The following MPO variants were observed in gnomAD, a reference collection of about 807,000 sequenced individuals.
The protein encoded by MPO is myeloperoxidase.
Under a neutral mutation model 69.4 loss-of-function variants are expected in MPO, and 57 were observed. That is an observed-to-expected ratio of 0.82 (90% CI 0.66 to 1.02). The LOEUF (loss-of-function observed/expected upper bound fraction) is 1.02, where lower values mean the gene tolerates loss of function less well. MPO is among the 50% of genes least tolerant of loss of function. The probability of loss-of-function intolerance (pLI) is 0.00; values close to 1 mark genes in which losing one functional copy is unlikely to be tolerated. For missense variants in MPO, 971 were observed against 1,014.1 expected, an observed-to-expected ratio of 0.96 and a Z score of 0.58; for synonymous variants, 426 against 417.1, an observed-to-expected ratio of 1.02 and a Z score of -0.26.
At chr17:58,271,218 G>T (rs1054835787) in intron 11 of MPO, among the ~76,000 whole-genome samples, 3 of 152,092 alleles carry the variant, frequency 2.0e-5, no homozygotes, top group African/African-American at 4.8e-5. Context: ...TTTATAATTC[G>T]CCCACCCAGA....
At chr17:58,273,749 G>T (rs1223188324) in intron 8 of MPO, 80 bp from the exon 9 acceptor site, 4 of 1,603,538 alleles carry the variant, frequency 2.5e-6, no homozygotes, top group Non-Finnish European at 3.4e-6. Context: ...GAGGGCCAGA[G>T]TCTCTGCCTG....
chr17:58,279,709 G>A (rs1598043324), intron 3 of MPO, 63 bp from the exon 4 acceptor site: 1 of 1,613,816 alleles, frequency 6.2e-7, no homozygotes. Flanking sequence ...GGCAACCTGA[G>A]GCTGAGGAGC....
intron 9 of MPO, among the ~76,000 whole-genome samples, 195 bp from the exon 10 acceptor site, chr17:58,273,113 T>C (rs1970387907): frequency 6.6e-6 from 1 of 151,882 alleles, no homozygotes; most frequent in African/African-American, 2.4e-5. Flanking sequence ...GACATATAGG[T>C]CTCAGGAGAT....
rs572678084 is a variant in MPO, at chr17:58,270,365, C to G, written c.*291G>C. On this transcript the variant is annotated 3_prime_UTR_variant, in exon 12 of 12. Transcript: ENST00000225275. The surrounding 1 kb of genome is among the most constrained non-coding windows in gnomAD (Gnocchi z 4.1). ...TCCTGAGCTGTGCTCCTCACCAGTC[C>G]GCTCTGCTGCCTTCCACATACTCAG... 2.3e-6 allele frequency: 1 copy of G among 435,124 alleles called. No individual in the cohort carries two copies. Among genetic ancestry groups the G allele is most frequent in the African/African-American group, 2.0e-5 (1 of 49,816 alleles). The allele number at this position is 435,124 out of a possible 1,614,324, so 27.0% of individuals were successfully genotyped here. A position where few individuals can be genotyped will look rare whatever the true frequency, so the allele number is the denominator to read the frequency against.
intron 8 of MPO, among the ~76,000 whole-genome samples, chr17:58,274,876 T>C (rs1970416217): frequency 1.3e-5 from 2 of 151,870 alleles, no homozygotes; most frequent in Admixed American, 1.3e-4. Flanking sequence ...ATTTATTTAT[T>C]TATTTTGAGA....
At chr17:58,277,057 G>A (rs888482018) in intron 7 of MPO, among the ~76,000 whole-genome samples, 4 of 151,932 alleles carry the variant, frequency 2.6e-5, no homozygotes, top group African/African-American at 9.7e-5. Context: ...GCAGTGAGCC[G>A]AGACTGTGCC....
intron 6 of MPO, chr17:58,278,740 C>T: frequency 3.5e-6 from 2 of 574,954 alleles, no homozygotes; most frequent in East Asian, 2.9e-5. Flanking sequence ...ACCAACAGGA[C>T]TCCTGTCAGC....
chr17:58,276,806 C>T (rs1970444181), intron 7 of MPO, among the ~76,000 whole-genome samples: 1 of 152,138 alleles, frequency 6.6e-6, no homozygotes, highest in African/African-American at 2.4e-5. Context: ...ATTGGGTTTA[C>T]ATTTAAAAAC....
In MPO at chr17:58,275,698, GTCC is replaced by G. The variant is rs1970427770; in HGVS notation, c.1206_1208del (p.Asp403del). ...GCTCGGGCATCTCACTGGAACGGGT[GTCC>G]CCTTGGGGAGGCAAAAGCCACTGTC... On this transcript the variant is annotated inframe_deletion and splice_region_variant, in exon 8 of 12. Transcript: ENST00000225275. The surrounding 1 kb of genome is among the most constrained non-coding windows in gnomAD (Gnocchi z 4.1). 3 of 1,614,066 alleles carry G rather than the reference GTCC, an allele frequency of 1.9e-6. No individual in the cohort carries two copies. The highest frequency in any genetic ancestry group is 2.7e-5 in the African/African-American group (2 of 74,914).
At position 58,270,292 on chromosome 17, in the gene MPO, C is replaced by T. The variant is rs942711208; in HGVS notation, c.*364G>A. 5 of 351,394 alleles carry T rather than the reference C, an allele frequency of 1.4e-5. No homozygotes were observed. The highest frequency in any genetic ancestry group is 2.8e-5 in the Non-Finnish European group (5 of 181,396). 21.8% of individuals were successfully genotyped at this position (351,394 alleles called of 1,614,324 possible). A position where few individuals can be genotyped will look rare whatever the true frequency, so the allele number is the denominator to read the frequency against. ...AAGGAGGGTAATTTGCTCAAGGTCA[C>T]ATAGCTAGCAAGCCACAGAGCCAGG... is the stretch of plus-strand genomic sequence containing the variant. On this transcript the variant is annotated 3_prime_UTR_variant, in exon 12 of 12. Coordinates refer to ENST00000225275, the MANE Select transcript of MPO (RefSeq NM_000250.2). This position sits in a 1 kb window ranked among gnomAD's most constrained non-coding sequence, Gnocchi z 4.1.
chr17:58,271,758 A>G lies in MPO; in HGVS notation c.1927T>C (p.Trp643Arg), dbSNP rs748784444. ...AGAGGCTCGGACACGCCGCCCATCC[A>G]GATGTCGATGTTGTTGGGCGTGCCA... ...QYGTPNNIDI[W>R]MGGVSEPLKR... is the part of the protein sequence containing the mutation. The change falls in exon 11 of 12, where the codon TGG becomes CGG. Residue 643 changes from tryptophan (W) to arginine (R), a missense_variant. Trp to Arg is a moderately radical substitution (Grantham distance 101, BLOSUM62 -3). Coordinates refer to ENST00000225275, the MANE Select transcript of MPO (RefSeq NM_000250.2). 1 of 1,614,036 alleles carries G rather than the reference A, an allele frequency of 6.2e-7. No homozygotes were observed. Among genetic ancestry groups the G allele is most frequent in the Non-Finnish European group, 8.5e-7 (1 of 1,180,042 alleles).
chr17:58,279,334 G>A lies in MPO; in HGVS notation c.641C>T (p.Thr214Met), dbSNP rs1340056117. Residue 214 changes from threonine to methionine, a missense_variant, in exon 5 of 12, where the codon ACG becomes ATG. Thr to Met is a moderately conservative substitution (Grantham distance 81). Coordinates refer to ENST00000225275, the MANE Select transcript of MPO (RefSeq NM_000250.2). ...EDGFSLPYGW[T>M]PGVKRNGFPV... ...GAAGCCGTTGCGCTTGACCCCGGGC[G>A]TCCAGCCGTAGGGAAGAGAGAAGCC... 1 of 1,574,798 alleles carries A rather than the reference G, an allele frequency of 6.4e-7. No individual in the cohort carries two copies. The highest frequency in any genetic ancestry group is 1.9e-5 in the Admixed American group (1 of 53,780).
chr17:58,272,727 G>C (rs1203361667), intron 10 of MPO, 21 bp downstream of exon 10: 3 of 1,611,242 alleles, frequency 1.9e-6, no homozygotes, highest in East Asian at 4.5e-5. Flanking sequence ...AGCATCAGGG[G>C]AGACTCCTGC....
chr17:58,271,819 C>T lies in MPO; in HGVS notation c.1866G>A (p.Arg622=), dbSNP rs373647051. 263 of 1,614,094 alleles carry T rather than the reference C, an allele frequency of 1.6e-4. No individual in the cohort carries two copies. Among genetic ancestry groups the T allele is most frequent in the Non-Finnish European group, 2.1e-4 (251 of 1,180,052 alleles). The stretch of plus-strand genomic sequence containing the variant: ...TCAGTTTCCTCGCCAATTTCAGGTT[C>T]CTCAGCACCGTGCCCAGCTGGCCCA... ...ETVGQLGTVL[R]NLKLARKLME... Residue 622 remains arginine (R), a synonymous_variant, in exon 11 of 12, where the codon AGG becomes AGA. Coordinates refer to ENST00000225275, the MANE Select transcript of MPO (RefSeq NM_000250.2).
rs60604171 is a variant in MPO at position 58,274,383 on chromosome 17, TGA to T, written c.1366-716_1366-715del. Among the ~76,000 whole-genome samples the T allele has an allele frequency of 3.8e-3, 537 of 142,438 alleles. 6 individuals are homozygous for T. The highest frequency in any genetic ancestry group is 0.013 in the African/African-American group (508 of 39,644). 93.4% of individuals were successfully genotyped at this position (142,438 alleles called of 152,430 possible). On this transcript the variant is annotated intron_variant, in intron 8 of 11. Coordinates refer to ENST00000225275, the MANE Select transcript of MPO (RefSeq NM_000250.2). ...GTGTGTGTGTGTGTGTGTGTGTGTG[TGA>T]GTGTGTGTATGTCTGCCTCTGCCTC...
intron 11 of MPO, among the ~76,000 whole-genome samples, chr17:58,271,204 G>A (rs1970361101): frequency 6.6e-6 from 1 of 152,178 alleles, no homozygotes; most frequent in Non-Finnish European, 1.5e-5. Context: ...AATCTTGGGG[G>A]TGGTTTATAA....
chr17:58,271,988 G>T, intron 10 of MPO, 96 bp from the exon 11 acceptor site: 1 of 1,367,704 alleles, frequency 7.3e-7, no homozygotes, highest in Non-Finnish European at 1.0e-6. Context: ...CATATCGCCA[G>T]CAGCCCAGAA....
chr17:58,271,835 A>G lies in MPO; in HGVS notation c.1850T>C (p.Leu617Pro). The part of the protein sequence containing the change: ...GLPQPETVGQ[L>P]GTVLRNLKLA... ...TTTCAGGTTCCTCAGCACCGTGCCC[A>G]GCTGGCCCACAGTTTCAGGCTGCGG... Residue 617 changes from leucine to proline, a missense_variant, in exon 11 of 12, where the codon CTG becomes CCG. By Grantham distance (98) the Leu-to-Pro change is moderately conservative. Coordinates refer to ENST00000225275, the MANE Select transcript of MPO (RefSeq NM_000250.2). The G allele has an allele frequency of 1.2e-6, 2 of 1,614,192 alleles. No homozygotes were observed. Among genetic ancestry groups the G allele is most frequent in the Non-Finnish European group, 1.7e-6 (2 of 1,180,030 alleles).
At position 58,275,243 on chromosome 17, in the gene MPO, T is replaced by A. The variant is rs1226379597; in HGVS notation, c.1365+299A>T. Among the ~76,000 whole-genome samples, 1 of 152,000 alleles carries A rather than the reference T, an allele frequency of 6.6e-6. No individual in the cohort carries two copies. Among genetic ancestry groups the A allele is most frequent in the African/African-American group, 2.4e-5 (1 of 41,346 alleles). ...GACAGTGAGATGGAGGGAAGAAGAA[T>A]TTACTGAACAGCTACTTGGGCGCTA... On this transcript the variant is annotated intron_variant, in intron 8 of 11. Coordinates refer to ENST00000225275, the MANE Select transcript of MPO (RefSeq NM_000250.2). The surrounding 1 kb of genome is among the most constrained non-coding windows in gnomAD (Gnocchi z 4.1).
Sources: gnomAD v4.1 joint callset for allele counts (sites outside exome capture counted in the v4.1 genomes callset) on GRCh38, gnomAD v4.1.1 for gene constraint, Gnocchi (gnomAD v3.1) non-coding constraint, MANE v1.5 for transcripts, NCBI Gene and HGNC (gene_info 2026-07-23, HGNC 2026-07-21) for gene names.